STAG1: variants seen among roughly 807,000 people sequenced by gnomAD.
The protein encoded by STAG1 is STAG1 cohesin complex component.
In STAG1, 26 loss-of-function variants were observed where a neutral mutation model predicts 170.9. That is an observed-to-expected ratio of 0.15 (90% CI 0.11 to 0.21). The LOEUF (loss-of-function observed/expected upper bound fraction) is 0.21. Among genes scored for constraint, STAG1 ranks in the 10% least tolerant of loss-of-function variants. STAG1 has a pLI of 1.00. For synonymous variants in STAG1, 514 were observed against 497.7 expected, an observed-to-expected ratio of 1.03 and a Z score of -0.44; for missense variants, 964 against 1,509.5, an observed-to-expected ratio of 0.64 and a Z score of 5.99.
chr3:136,634,731 C>G (rs1051017665), intron 1 of STAG1, among the ~76,000 whole-genome samples: 2 of 151,000 alleles, frequency 1.3e-5, no homozygotes, highest in African/African-American at 4.9e-5. Context: ...CACAGATAAA[C>G]TATATTGAGA....
At chr3:136,701,629 C>A (rs1197077319) in intron 1 of STAG1, among the ~76,000 whole-genome samples, 1 of 152,148 alleles carries the variant, frequency 6.6e-6, no homozygotes, top group Non-Finnish European at 1.5e-5. Flanking sequence ...CATCAATTTT[C>A]TCAACTGAAA....
At chr3:136,461,652 G>C (rs1270393848) in intron 13 of STAG1, among the ~76,000 whole-genome samples, 4 of 151,060 alleles carry the variant, frequency 2.6e-5, no homozygotes, top group Non-Finnish European at 4.4e-5. Context: ...TCTGGGTAGA[G>C]TTTTGGGGCA....
chr3:136,426,333 C>T (rs2088123433), intron 16 of STAG1, among the ~76,000 whole-genome samples: 1 of 151,988 alleles, frequency 6.6e-6, no homozygotes, highest in Admixed American at 6.6e-5. Context: ...TGGCGTGAAC[C>T]CCCAGGGGGC....
chr3:136,730,877 C>T (rs1576824064), intron 1 of STAG1, among the ~76,000 whole-genome samples: 3 of 152,308 alleles, frequency 2.0e-5, no homozygotes, highest in Admixed American at 2.0e-4. Flanking sequence ...GATTCTTAAA[C>T]TTCAGCCTAC....
At chr3:136,624,565 C>A (rs990332741) in intron 2 of STAG1, among the ~76,000 whole-genome samples, 2 of 152,186 alleles carry the variant, frequency 1.3e-5, no homozygotes, top group Non-Finnish European at 2.9e-5. Context: ...AACTTCTCTG[C>A]TGACTCAGAT....
chr3:136,579,670 G>A (rs1937548909), intron 4 of STAG1, among the ~76,000 whole-genome samples: 1 of 152,112 alleles, frequency 6.6e-6, no homozygotes, highest in Non-Finnish European at 1.5e-5. Context: ...CCAGACCACT[G>A]ACTGCCCTGA....
intron 1 of STAG1, among the ~76,000 whole-genome samples, chr3:136,665,968 G>A (rs923644423): frequency 8.7e-5 from 13 of 149,572 alleles, no homozygotes; most frequent in African/African-American, 2.2e-4. Flanking sequence ...CCAGCTACTC[G>A]TGAGGCTAAG....
chr3:136,571,687 C>G (rs10935185), intron 4 of STAG1, among the ~76,000 whole-genome samples: 54,509 of 151,814 alleles, frequency 0.36, 12,339 homozygotes, highest in East Asian at 0.81. Flanking sequence ...GCCTGGGCAA[C>G]ATACAAAGAC....
intron 12 of STAG1, among the ~76,000 whole-genome samples, chr3:136,470,406 C>G (rs2089595377): frequency 6.6e-6 from 1 of 152,178 alleles, no homozygotes; most frequent in Non-Finnish European, 1.5e-5. Flanking sequence ...CACTGGCCAT[C>G]AGAGAAATGC....
chr3:136,614,138 C>T (rs868287482), intron 3 of STAG1, among the ~76,000 whole-genome samples: 19 of 152,164 alleles, frequency 1.2e-4, no homozygotes, highest in South Asian at 2.1e-4. Flanking sequence ...ATTGCTTGAA[C>T]CCGGGAGGCG....
chr3:136,551,269 G>GA (rs1274665836), intron 5 of STAG1, among the ~76,000 whole-genome samples: 1 of 147,266 alleles, frequency 6.8e-6, no homozygotes, highest in Non-Finnish European at 1.5e-5. Flanking sequence ...GAGGGAGAGC[G>GA]AGAGAGCGTG....
chr3:136,624,896 G>T (rs1940029425), intron 2 of STAG1, among the ~76,000 whole-genome samples: 1 of 152,032 alleles, frequency 6.6e-6, no homozygotes, highest in African/African-American at 2.4e-5. Flanking sequence ...AACTTCAAGA[G>T]CATAAATAGT....
At chr3:136,535,239 G>A (rs987212545) in intron 6 of STAG1, among the ~76,000 whole-genome samples, 11 of 152,216 alleles carry the variant, frequency 7.2e-5, no homozygotes, top group Non-Finnish European at 1.5e-4. Flanking sequence ...GGAGAAAAGC[G>A]TGTGAGGAGG....
chr3:136,512,097 A>T (rs1241981133), intron 7 of STAG1, among the ~76,000 whole-genome samples: 1 of 47,464 alleles, frequency 2.1e-5, no homozygotes, highest in East Asian at 4.5e-3. Context: ...TCTACAAAAT[A>T]AAAAAAAAAA....
rs573634199 is a variant in STAG1, at chr3:136,640,354, C to T, written c.-83-9373G>A. 4.6e-5 allele frequency among the ~76,000 whole-genome samples: 7 copies of T among 151,940 alleles called. No homozygotes were observed. In the East Asian group the frequency reaches 1.4e-3, roughly 29 times the overall value. ...GTGAGTTCTTCTCAAAACTACTGTT[C>T]CACCATTAGATAACTTTTTTTTTTT... On this transcript the variant is annotated intron_variant, in intron 1 of 33. Coordinates refer to ENST00000383202, the MANE Select transcript of STAG1 (RefSeq NM_005862.3).
chr3:136,532,104 T>G (rs936092629), intron 6 of STAG1, among the ~76,000 whole-genome samples: 1 of 151,746 alleles, frequency 6.6e-6, no homozygotes, highest in Non-Finnish European at 1.5e-5. Context: ...GATAAACCAC[T>G]AGCTAGATTA....
intron 7 of STAG1, among the ~76,000 whole-genome samples, chr3:136,511,005 C>A (rs533976409): frequency 6.6e-6 from 1 of 152,240 alleles, no homozygotes; most frequent in Non-Finnish European, 1.5e-5. Flanking sequence ...CTCCTGACCT[C>A]AAGTAATCCA....
chr3:136,566,745 A>C (rs1937088222), intron 5 of STAG1, among the ~76,000 whole-genome samples: 1 of 152,220 alleles, frequency 6.6e-6, no homozygotes, highest in African/African-American at 2.4e-5. Context: ...AAATGCATTT[A>C]CCTACAGACA....
chr3:136,623,343 G>C, intron 2 of STAG1, 95 bp from the exon 3 acceptor site: 2 of 1,106,180 alleles, frequency 1.8e-6, no homozygotes, highest in Non-Finnish European at 2.6e-6. Flanking sequence ...TGGCTGATTA[G>C]AAGTGGTTTA....
Sources: allele counts gnomAD v4.1 joint callset (sites outside exome capture counted in the v4.1 genomes callset), GRCh38; gene constraint gnomAD v4.1.1; transcripts MANE v1.5; gene names NCBI Gene and HGNC (gene_info 2026-07-23, HGNC 2026-07-21).